The following CAMTA1 variants were observed in gnomAD, a reference collection of about 807,000 sequenced individuals.
The protein encoded by CAMTA1 is calmodulin binding transcription activator 1.
In CAMTA1, 27 loss-of-function variants were observed where a neutral mutation model predicts 170.9. The ratio of observed to expected loss-of-function variants is 0.16; its 90% CI spans 0.12 to 0.22. The LOEUF (loss-of-function observed/expected upper bound fraction) is 0.22, where lower values mean the gene tolerates loss of function less well. Among genes scored for constraint, CAMTA1 ranks in the 10% least tolerant of loss-of-function variants. The pLI is 1.00. For synonymous variants in CAMTA1, 833 were observed against 891.5 expected, an observed-to-expected ratio of 0.93 and a Z score of 1.17; for missense variants, 1,619 against 2,217.2, an observed-to-expected ratio of 0.73 and a Z score of 5.42.
chr1:7,487,618 G>A (rs1345570212), intron 6 of CAMTA1, among the ~76,000 whole-genome samples: 1 of 143,506 alleles, frequency 7.0e-6, no homozygotes, highest in Non-Finnish European at 1.5e-5. Flanking sequence ...CTGCAGGTGA[G>A]GCTGAGGCTG....
chr1:7,321,559 A>G (rs1678425062), intron 5 of CAMTA1, among the ~76,000 whole-genome samples: 1 of 152,158 alleles, frequency 6.6e-6, no homozygotes, highest in Admixed American at 6.5e-5. Flanking sequence ...CATACATGGT[A>G]GATCCATTGT....
At chr1:7,334,967 G>A (rs761022455) in intron 5 of CAMTA1, among the ~76,000 whole-genome samples, 1 of 152,066 alleles carries the variant, frequency 6.6e-6, no homozygotes, top group African/African-American at 2.4e-5. Context: ...TGCACTCCGC[G>A]GACAATTTAA....
rs931453161 is a variant in CAMTA1, at chr1:7,044,753, G to A, written c.235-46551G>A. Among the ~76,000 whole-genome samples the A allele has an allele frequency of 1.4e-4, 21 of 152,032 alleles. No homozygotes were observed. Among genetic ancestry groups the A allele is most frequent in the African/African-American group, 4.3e-4 (18 of 41,386 alleles). ...TTTGGGGAGGGAACTTACCCTGCGT[G>A]CAGTCCTCCTGCCCCCCTGCCTGGC... On this transcript the variant is annotated intron_variant, in intron 3 of 22. Transcript: ENST00000303635. This position sits in a 1 kb window ranked among gnomAD's most constrained non-coding sequence, Gnocchi z 5.0.
intron 3 of CAMTA1, chr1:6,886,159 A>T: frequency 2.2e-6 from 1 of 453,984 alleles, no homozygotes; most frequent in Non-Finnish European, 4.4e-6. Flanking sequence ...ACAGTGGGGT[A>T]ACATACCTTC....
chr1:7,453,892 G>A (rs75560083), intron 5 of CAMTA1, among the ~76,000 whole-genome samples: 15,461 of 152,276 alleles, frequency 0.1, 897 homozygotes, highest in Middle Eastern at 0.12. Context: ...GCAGCAGCCC[G>A]GGGACCTGGA....
chr1:7,132,149 T>C (rs1645298919), intron 4 of CAMTA1, among the ~76,000 whole-genome samples: 1 of 152,224 alleles, frequency 6.6e-6, no homozygotes, highest in African/African-American at 2.4e-5. Context: ...CATATACATT[T>C]TAGAAATTTT....
rs1170627165 is a variant in CAMTA1, at chr1:7,634,880, C to T, written c.511-5520C>T. 6.6e-6 allele frequency among the ~76,000 whole-genome samples: 1 copy of T among 152,170 alleles called. No homozygotes were observed. Among genetic ancestry groups the T allele is most frequent in the Non-Finnish European group, 1.5e-5 (1 of 68,022 alleles). On this transcript the variant is annotated intron_variant, in intron 6 of 22. Transcript: ENST00000303635. This position sits in a 1 kb window ranked among gnomAD's most constrained non-coding sequence, Gnocchi z 6.2. Reference sequence around the variant, plus strand: ...CTGTTCCGAGGCCTGACCCTGCTCCCTGCAGCAGCCCCAGTGAGAAAGAGG... The same window carrying T: ...CTGTTCCGAGGCCTGACCCTGCTCCTTGCAGCAGCCCCAGTGAGAAAGAGG...
intron 4 of CAMTA1, among the ~76,000 whole-genome samples, chr1:7,129,406 T>C (rs1255976167): frequency 6.6e-6 from 1 of 152,168 alleles, no homozygotes; most frequent in Non-Finnish European, 1.5e-5. Context: ...CCTCTGGGTC[T>C]GCTCTGTCTC....
chr1:7,641,668 G>A lies in CAMTA1; in HGVS notation c.664+1115G>A, dbSNP rs533427117. On this transcript the variant is annotated intron_variant, in intron 7 of 22. Coordinates refer to ENST00000303635, the MANE Select transcript of CAMTA1 (RefSeq NM_015215.4). This position sits in a 1 kb window ranked among gnomAD's most constrained non-coding sequence, Gnocchi z 4.5. ...GTGTGGCAAGGGAGGCCCCCCAGTG[G>A]GTGACAGCCCTGCCCGCCAAGGGCA... is the stretch of plus-strand genomic sequence containing the variant. Among the ~76,000 whole-genome samples the A allele has an allele frequency of 6.6e-6, 1 of 152,224 alleles. No individual in the cohort carries two copies. Among genetic ancestry groups the A allele is most frequent in the Non-Finnish European group, 1.5e-5 (1 of 67,982 alleles).
chr1:6,893,260 C>T (rs768632994), intron 3 of CAMTA1, among the ~76,000 whole-genome samples: 21 of 151,870 alleles, frequency 1.4e-4, no homozygotes, highest in Non-Finnish European at 2.1e-4. Context: ...GACTCCATCT[C>T]GAGGAAAAAA....
chr1:7,215,383 G>A (rs1432162623), intron 4 of CAMTA1, among the ~76,000 whole-genome samples: 1 of 152,134 alleles, frequency 6.6e-6, no homozygotes, highest in Non-Finnish European at 1.5e-5. Flanking sequence ...ATAAATTCTG[G>A]TATGTAGTTT....
intron 6 of CAMTA1, among the ~76,000 whole-genome samples, chr1:7,612,359 TC>T (rs1206496723): frequency 6.6e-6 from 1 of 152,206 alleles, no homozygotes; most frequent in Non-Finnish European, 1.5e-5. Flanking sequence ...CAAACTCCTC[TC>T]GACGTTTAGA....
intron 5 of CAMTA1, among the ~76,000 whole-genome samples, chr1:7,275,787 C>G (rs925455578): frequency 6.6e-6 from 1 of 151,942 alleles, no homozygotes; most frequent in African/African-American, 2.4e-5. Context: ...CAAAAAGAAA[C>G]CTCCTTCATG....
chr1:6,976,749 A>C (rs892390517), intron 3 of CAMTA1, among the ~76,000 whole-genome samples: 1 of 152,222 alleles, frequency 6.6e-6, no homozygotes, highest in Admixed American at 6.5e-5. Flanking sequence ...GCAAATAGCA[A>C]GCACAGGGTG....
In CAMTA1 at chr1:7,682,900, G is replaced by A. The variant is rs538555490; in HGVS notation, c.2914+5167G>A. Among the ~76,000 whole-genome samples the A allele has an allele frequency of 1.9e-4, 29 of 152,320 alleles. No homozygotes were observed. The highest frequency in any genetic ancestry group is 3.4e-3 in the Middle Eastern group (1 of 294). ...AACATACACAGAGTTGGCTGGGTGC[G>A]GTGGCTCACGCCTGTGATCCCAGCA... is the stretch of plus-strand genomic sequence containing the variant. On this transcript the variant is annotated intron_variant, in intron 11 of 22. Coordinates refer to ENST00000303635, the MANE Select transcript of CAMTA1 (RefSeq NM_015215.4). This position sits in a 1 kb window ranked among gnomAD's most constrained non-coding sequence, Gnocchi z 5.0.
intron 6 of CAMTA1, among the ~76,000 whole-genome samples, chr1:7,607,197 A>T (rs1210329986): frequency 6.7e-6 from 1 of 149,140 alleles, no homozygotes; most frequent in Non-Finnish European, 1.5e-5. Context: ...GGATGGATGG[A>T]TGGGTAGGTG....
intron 11 of CAMTA1, among the ~76,000 whole-genome samples, chr1:7,711,813 A>T (rs539905755): frequency 1.3e-5 from 2 of 152,346 alleles, no homozygotes; most frequent in East Asian, 3.9e-4. Flanking sequence ...GATGTAAAAA[A>T]TAGGAAGTAC....
intron 4 of CAMTA1, among the ~76,000 whole-genome samples, chr1:7,231,350 T>TGTGAGA (rs112268253): frequency 3.2e-3 from 452 of 141,182 alleles, no homozygotes; most frequent in African/African-American, 0.011. Context: ...TGTGTGTGTG[T>TGTGAGA]GAGAGAGAGA....
At chr1:7,564,517 C>T (rs557857242) in intron 6 of CAMTA1, among the ~76,000 whole-genome samples, 5 of 152,208 alleles carry the variant, frequency 3.3e-5, no homozygotes, top group Non-Finnish European at 5.9e-5. Context: ...CCTGGGATGG[C>T]CCATGCACCA....
Sources: gnomAD v4.1 joint callset for allele counts (sites outside exome capture counted in the v4.1 genomes callset) on GRCh38, gnomAD v4.1.1 for gene constraint, Gnocchi (gnomAD v3.1) non-coding constraint, MANE v1.5 for transcripts, NCBI Gene and HGNC (gene_info 2026-07-23, HGNC 2026-07-21) for gene names.